The following KCP variants were observed in gnomAD, a reference collection of about 807,000 sequenced individuals.
The protein encoded by KCP is kielin/chordin-like protein.
Under a neutral mutation model 212.7 loss-of-function variants are expected in KCP, and 194 were observed. The observed-to-expected ratio is 0.91, with a 90% CI of 0.81 to 1.03. The LOEUF is 1.03. Among genes scored for constraint, KCP ranks in the 50% least tolerant of loss-of-function variants. The probability of loss-of-function intolerance (pLI) is 0.00; values close to 1 mark genes in which losing one functional copy is unlikely to be tolerated. For synonymous variants in KCP, 833 were observed against 865.3 expected, an observed-to-expected ratio of 0.96 and a Z score of 0.65; for missense variants, 2,080 against 2,162.5, an observed-to-expected ratio of 0.96 and a Z score of 0.76.
intron 2 of KCP, among the ~76,000 whole-genome samples, chr7:128,908,193 AAAAG>A (rs928584850): frequency 2.9e-5 from 4 of 136,254 alleles, no homozygotes; most frequent in African/African-American, 1.2e-4. Flanking sequence ...GGAAGGAAGG[AAAAG>A]AAAGAAAAAA....
intron 8 of KCP, among the ~76,000 whole-genome samples, chr7:128,897,661 A>T (rs974813305): frequency 6.6e-6 from 1 of 151,960 alleles, no homozygotes; most frequent in Non-Finnish European, 1.5e-5. Flanking sequence ...GGTCTAAATT[A>T]TGCAGGTCAG....
In KCP at chr7:128,888,916, G is replaced by A. The variant is rs1214473265; in HGVS notation, c.2459C>T (p.Pro820Leu). Residue 820 changes from proline (P) to leucine (L), a missense_variant, in exon 22 of 40, where the codon CCG becomes CTG. By Grantham distance (98) the Pro-to-Leu change is moderately conservative (BLOSUM62 -3). Coordinates refer to ENST00000610776, the MANE Select transcript of KCP (RefSeq NM_001366122.1). ...GGGGATGAGTGGGTGGCTGCAGCCC[G>A]GAGGCTCACAGGGCCGGCGGCCGCA... is the stretch of plus-strand genomic sequence containing the variant. ...VTCGRRPCEP[P>L]GCSHPLIPSG... 1.4e-5 allele frequency: 22 copies of A among 1,550,488 alleles called. No homozygotes were observed. Among genetic ancestry groups the A allele is most frequent in the South Asian group, 7.1e-5 (6 of 83,996 alleles).
chr7:128,885,696 C>T (rs866257648), intron 26 of KCP, among the ~76,000 whole-genome samples: 1 of 152,172 alleles, frequency 6.6e-6, no homozygotes, highest in African/African-American at 2.4e-5. Flanking sequence ...CTGCCTCCCT[C>T]CCAGAGCAAG....
intron 13 of KCP, 90 bp from the exon 14 acceptor site, chr7:128,893,111 C>A: frequency 9.3e-7 from 1 of 1,071,600 alleles, no homozygotes; most frequent in Non-Finnish European, 1.4e-6. Flanking sequence ...CTTCGCCATC[C>A]CCGCTGACAC....
At position 128,880,427 on chromosome 7, in the gene KCP, G is replaced by C. The variant is rs1430129558; in HGVS notation, c.3718C>G (p.Arg1240Gly). The change falls in exon 34 of 40, where the codon CGT becomes GGT. Residue 1240 changes from arginine (R) to glycine (G), a missense_variant. By Grantham distance (125) the Arg-to-Gly change is moderately radical. Transcript: ENST00000610776. The part of the protein sequence containing the change: ...TSCSCMAGTV[R>G]CQSQRCSPLS... ...GGTGAGCAGCGCTGGCTCTGGCAAC[G>C]CACGGTGCCCGCCATGCAGGAGCAG... 3 of 1,543,922 alleles carry C rather than the reference G, an allele frequency of 1.9e-6. No individual in the cohort carries two copies. Among genetic ancestry groups the C allele is most frequent in the Middle Eastern group, 1.7e-4 (1 of 5,782 alleles).
Position 128,877,171 on chromosome 7 carries a change from G to A in KCP, c.4759C>T (p.Pro1587Ser), listed in dbSNP as rs1012921460. 6 of 1,491,646 alleles carry A rather than the reference G, an allele frequency of 4.0e-6. No homozygotes were observed. Among genetic ancestry groups the A allele is most frequent in the Admixed American group, 2.7e-5 (1 of 37,494 alleles). 92.4% of individuals were successfully genotyped at this position (1,491,646 alleles called of 1,614,324 possible). Residue 1587 changes from proline (P) to serine (S), a missense_variant, in exon 40 of 40, where the codon CCT becomes TCT. By Grantham distance (74) the Pro-to-Ser change is moderately conservative. Transcript: ENST00000610776. ...VRPCVPGCQC[P>S]AGLVEHEAHC... ...GCCTCATGCTCCACCAGGCCTGCAG[G>A]GCACTGGCAGCCGGGCACGCAGGGC...
rs780018792 is a variant in KCP at position 128,880,426 on chromosome 7, C to T, written c.3719G>A (p.Arg1240His). Residue 1240 changes from arginine (R) to histidine (H), a missense_variant, in exon 34 of 40, where the codon CGT (arginine) becomes CAT (histidine). Physicochemically the swap from Arg to His is conservative, Grantham distance 29. Coordinates refer to ENST00000610776, the MANE Select transcript of KCP (RefSeq NM_001366122.1). ...CGGTGAGCAGCGCTGGCTCTGGCAA[C>T]GCACGGTGCCCGCCATGCAGGAGCA... ...TSCSCMAGTV[R>H]CQSQRCSPLS... 52 of 1,545,474 alleles carry T rather than the reference C, an allele frequency of 3.4e-5. No homozygotes were observed. The South Asian group carries it at 4.8e-4, about 14-fold the overall frequency.
chr7:128,902,832 T>C lies in KCP; in HGVS notation c.776A>G (p.Glu259Gly). The change falls in exon 8 of 40, where the codon GAA becomes GGA. Residue 259 changes from glutamate (E) to glycine (G), a missense_variant. Physicochemically the swap from Glu to Gly is moderately conservative, Grantham distance 98. Coordinates refer to ENST00000610776, the MANE Select transcript of KCP (RefSeq NM_001366122.1). ...AGGTGTTGTCCACTCTTGGCCATGT[T>C]CCCAGTGAGAGCCACCTTCTGTGCA... ...QGCTEGGSHW[E>G]HGQEWTTPGD... 1.3e-6 allele frequency: 2 copies of C among 1,551,452 alleles called. No homozygotes were observed. Among genetic ancestry groups the C allele is most frequent in the Non-Finnish European group, 1.7e-6 (2 of 1,146,998 alleles).
At chr7:128,888,214 CCA>C (rs776817701) in intron 22 of KCP, among the ~76,000 whole-genome samples, 115 of 140,518 alleles carry the variant, frequency 8.2e-4, no homozygotes, top group South Asian at 5.5e-3. Flanking sequence ...AGATACACAG[CCA>C]CACACACAGA....
intron 21 of KCP, chr7:128,890,010 C>A: frequency 3.3e-6 from 1 of 305,722 alleles, no homozygotes; most frequent in Non-Finnish European, 6.2e-6. Flanking sequence ...TTCACTGTAG[C>A]CTCAAACTCC....
rs1381745279 is a variant in KCP at position 128,880,992 on chromosome 7, C to CTCACA, written c.3513_3513+4dup. ...CTCCACCCTCCCAGGCCCACCCCAG[C>CTCACA]TCACATGGCAGGTGCAGGCGATGCA... On this transcript the variant is annotated splice_donor_region_variant and intron_variant, in intron 32 of 39. Coordinates refer to ENST00000610776, the MANE Select transcript of KCP (RefSeq NM_001366122.1). 2.5e-6 allele frequency: 1 copy of CTCACA among 399,020 alleles called. No homozygotes were observed. Among genetic ancestry groups the CTCACA allele is most frequent in the African/African-American group, 2.1e-5 (1 of 48,766 alleles). The allele number at this position is 399,020 out of a possible 1,614,324, so 24.7% of individuals were successfully genotyped here. A position where few individuals can be genotyped will look rare whatever the true frequency, so the allele number is the denominator to read the frequency against.
chr7:128,895,058 A>T (rs761953646), intron 8 of KCP, among the ~76,000 whole-genome samples: 19 of 152,182 alleles, frequency 1.2e-4, no homozygotes, highest in Non-Finnish European at 2.2e-4. Context: ...GCTGGAGCAG[A>T]TTCCTCCTCA....
chr7:128,880,523 T>C lies in KCP; in HGVS notation c.3622A>G (p.Thr1208Ala), dbSNP rs1173086953. 2.7e-6 allele frequency: 4 copies of C among 1,492,480 alleles called. No individual in the cohort carries two copies. Among genetic ancestry groups the C allele is most frequent in the Admixed American group, 2.2e-5 (1 of 45,976 alleles). The allele number at this position is 1,492,480 out of a possible 1,614,324, so 92.5% of individuals were successfully genotyped here. A position where few individuals can be genotyped will look rare whatever the true frequency, so the allele number is the denominator to read the frequency against. The change falls in exon 34 of 40, where the codon ACC becomes GCC. Residue 1208 changes from threonine (T) to alanine (A), a missense_variant. Transcript: ENST00000610776. ...DSCCERCQAPTQSCVHQGREV... is the reference protein window; with the variant it reads ...DSCCERCQAPAQSCVHQGREV... ...CGGCCCTGGTGCACGCAGGACTGGGTGGGAGCTGAAGGGATAGGAGCTGGG... is the reference window on the plus strand; with the variant it reads ...CGGCCCTGGTGCACGCAGGACTGGGCGGGAGCTGAAGGGATAGGAGCTGGG...
At chr7:128,886,119 G>A (rs1236952373) in intron 26 of KCP, among the ~76,000 whole-genome samples, 1 of 152,172 alleles carries the variant, frequency 6.6e-6, no homozygotes, top group Non-Finnish European at 1.5e-5. Context: ...CCAGGCTGGA[G>A]CACAGTGGTG....
intron 9 of KCP, 55 bp from the exon 10 acceptor site, chr7:128,894,110 T>A (rs956423401): frequency 5.9e-6 from 9 of 1,525,928 alleles, no homozygotes; most frequent in Non-Finnish European, 8.0e-6. Flanking sequence ...CACCCTCTCC[T>A]GGCCTTCATG....
chr7:128,908,705 T>C (rs148631391), intron 1 of KCP, 137 bp from the exon 2 acceptor site: 62 of 947,544 alleles, frequency 6.5e-5, no homozygotes, highest in Middle Eastern at 3.4e-4. Flanking sequence ...CCACCCACCA[T>C]CCAGGGCCGG....
In KCP at chr7:128,906,604, G is replaced by C. The variant is rs116870254; in HGVS notation, c.487-241C>G. On this transcript the variant is annotated intron_variant, in intron 4 of 39. Transcript: ENST00000610776. ...CTTCCAGGTGCCAGCACATTCCCCA[G>C]AGAGGGGAGATCCTAGGAAGAAGAC... Among the ~76,000 whole-genome samples, 626 of 151,208 alleles carry C rather than the reference G, an allele frequency of 4.1e-3. 5 individuals are homozygous for C. In the South Asian group the frequency reaches 0.045, roughly 11 times the overall value.
chr7:128,897,360 G>A (rs1256613361), intron 8 of KCP, among the ~76,000 whole-genome samples: 2 of 152,204 alleles, frequency 1.3e-5, no homozygotes, highest in Non-Finnish European at 2.9e-5. Context: ...CCACATGGCA[G>A]TACTTTCTCT....
chr7:128,888,265 GACAC>G (rs1793835243), intron 22 of KCP, among the ~76,000 whole-genome samples: 1 of 131,048 alleles, frequency 7.6e-6, no homozygotes, highest in African/African-American at 2.9e-5. Flanking sequence ...CACGTACACA[GACAC>G]ACATACACTG....
Sources: gnomAD v4.1 joint callset for allele counts (sites outside exome capture counted in the v4.1 genomes callset) on GRCh38, gnomAD v4.1.1 for gene constraint, MANE v1.5 for transcripts, NCBI Gene and HGNC (gene_info 2026-07-23, HGNC 2026-07-21) for gene names.